The following ATXN7L1 variants were observed in gnomAD, a reference collection of about 807,000 sequenced individuals.
The protein encoded by ATXN7L1 is ataxin-7-like protein 1.
A neutral mutation model predicts 70.8 loss-of-function variants in ATXN7L1; 15 were observed. The ratio of observed to expected loss-of-function variants is 0.21; its 90% CI spans 0.14 to 0.33. The LOEUF (loss-of-function observed/expected upper bound fraction) is 0.33. Among genes scored for constraint, ATXN7L1 ranks in the 10% least tolerant of loss-of-function variants. The probability of loss-of-function intolerance (pLI) is 1.00; values close to 1 mark genes in which losing one functional copy is unlikely to be tolerated. For synonymous variants in ATXN7L1, 440 were observed against 445.1 expected (o/e 0.99, Z 0.14); for missense variants, 975 against 1,097.1 (o/e 0.89, Z 1.57).
intron 3 of ATXN7L1, among the ~76,000 whole-genome samples, chr7:105,692,435 T>TCCTTCCC (rs1791115491): frequency 8.2e-6 from 1 of 121,764 alleles, no homozygotes; most frequent in African/African-American, 3.1e-5. Context: ...CCTCCCTCCC[T>TCCTTCCC]CCCTCCCTCC....
intron 3 of ATXN7L1, among the ~76,000 whole-genome samples, chr7:105,685,933 T>C (rs567040902): frequency 1.3e-3 from 192 of 152,306 alleles, no homozygotes; most frequent in African/African-American, 4.5e-3. Context: ...AGGTCACCTG[T>C]TGGCCTTTAG....
At chr7:105,648,718 T>A (rs955271862) in intron 4 of ATXN7L1, among the ~76,000 whole-genome samples, 1 of 152,062 alleles carries the variant, frequency 6.6e-6, no homozygotes, top group Non-Finnish European at 1.5e-5. Flanking sequence ...CCCGTGTGCA[T>A]CCCCCTCACT....
At chr7:105,864,246 A>G (rs1585183533) in intron 2 of ATXN7L1, among the ~76,000 whole-genome samples, 1 of 152,028 alleles carries the variant, frequency 6.6e-6, no homozygotes, top group Non-Finnish European at 1.5e-5. Flanking sequence ...ACCTGGGCTC[A>G]GGAGTTTGAG....
chr7:105,777,505 T>C (rs1259840090), intron 3 of ATXN7L1, among the ~76,000 whole-genome samples: 1 of 152,236 alleles, frequency 6.6e-6, no homozygotes, highest in Non-Finnish European at 1.5e-5. Context: ...TCTCTGCTGC[T>C]TTTTCTGCCA....
chr7:105,729,051 C>T (rs1343935536), intron 3 of ATXN7L1, among the ~76,000 whole-genome samples: 1 of 152,052 alleles, frequency 6.6e-6, no homozygotes, highest in Admixed American at 6.6e-5. Flanking sequence ...ATTGCTTGAA[C>T]CCAGGAGTTT....
chr7:105,767,765 G>T lies in ATXN7L1; in HGVS notation c.355+20839C>A, dbSNP rs201070891. On this transcript the variant is annotated intron_variant, in intron 3 of 11. Transcript: ENST00000419735. The stretch of plus-strand genomic sequence containing the variant: ...CCAGATAGCTTGGCTCCAGGGTCTG[G>T]CTCTTTCAGAACCCCTCTGCTGCCT... Among the ~76,000 whole-genome samples the T allele has an allele frequency of 2.6e-5, 4 of 152,294 alleles. No homozygotes were observed. In the East Asian group the frequency reaches 7.7e-4, roughly 29 times the overall value.
intron 3 of ATXN7L1, among the ~76,000 whole-genome samples, chr7:105,693,134 G>A (rs1791231592): frequency 6.6e-6 from 1 of 152,138 alleles, no homozygotes; most frequent in Non-Finnish European, 1.5e-5. Flanking sequence ...AGTTACCTGA[G>A]GAGTTCAGAA....
intron 4 of ATXN7L1, among the ~76,000 whole-genome samples, chr7:105,646,121 G>A (rs1165048993): frequency 1.3e-5 from 2 of 151,088 alleles, no homozygotes; most frequent in South Asian, 2.1e-4. Context: ...AGACCAGCCC[G>A]GGCAACATAG....
chr7:105,661,122 G>A (rs376217755), intron 4 of ATXN7L1, among the ~76,000 whole-genome samples: 53 of 152,316 alleles, frequency 3.5e-4, no homozygotes, highest in African/African-American at 1.2e-3. Flanking sequence ...GTGGATGAAG[G>A]CCATTAGTCA....
intron 2 of ATXN7L1, among the ~76,000 whole-genome samples, chr7:105,818,725 T>G (rs1281845049): frequency 1.3e-5 from 2 of 152,192 alleles, no homozygotes; most frequent in Non-Finnish European, 2.9e-5. Context: ...GAAGCTGGCA[T>G]GTATTAGGAT....
At chr7:105,864,715 C>T (rs1436501176) in intron 2 of ATXN7L1, among the ~76,000 whole-genome samples, 1 of 151,670 alleles carries the variant, frequency 6.6e-6, no homozygotes, top group Non-Finnish European at 1.5e-5. Context: ...CTCACTGCAA[C>T]CTCCGCCTCC....
chr7:105,641,233 T>TTTTTTA (rs1798185308), intron 5 of ATXN7L1, among the ~76,000 whole-genome samples: 1 of 132,936 alleles, frequency 7.5e-6, no homozygotes, highest in African/African-American at 2.9e-5. Flanking sequence ...TTTTTTTTTT[T>TTTTTTA]TTTTTTTTTT....
intron 7 of ATXN7L1, among the ~76,000 whole-genome samples, chr7:105,625,190 T>A (rs1286780192): frequency 6.6e-6 from 1 of 152,260 alleles, no homozygotes; most frequent in Non-Finnish European, 1.5e-5. Context: ...TGCCTGTTAC[T>A]TAATATTAAG....
chr7:105,761,988 A>G (rs1265306402), intron 3 of ATXN7L1, among the ~76,000 whole-genome samples: 1 of 152,076 alleles, frequency 6.6e-6, no homozygotes, highest in African/African-American at 2.4e-5. Flanking sequence ...GTACAATATG[A>G]CCCCAAGGGC....
rs573865053 is a variant in ATXN7L1 at position 105,729,256 on chromosome 7, A to G, written c.355+59348T>C. 2.6e-5 allele frequency among the ~76,000 whole-genome samples: 4 copies of G among 151,420 alleles called. No homozygotes were observed. In the South Asian group the frequency reaches 8.4e-4, roughly 32 times the overall value. ...ACCACATTCCAGCCTGGGTGACACA[A>G]TGAGACTCTGTATCAATAATAAATG... On this transcript the variant is annotated intron_variant, in intron 3 of 11. Coordinates refer to ENST00000419735, the MANE Select transcript of ATXN7L1 (RefSeq NM_020725.2).
chr7:105,863,357 C>T (rs1816920455), intron 2 of ATXN7L1, among the ~76,000 whole-genome samples: 1 of 152,220 alleles, frequency 6.6e-6, no homozygotes, highest in Non-Finnish European at 1.5e-5. Context: ...ATCAGGAGGC[C>T]ACTGGCTTAC....
chr7:105,661,331 A>T (rs982359674), intron 4 of ATXN7L1, among the ~76,000 whole-genome samples: 5 of 152,066 alleles, frequency 3.3e-5, no homozygotes, highest in African/African-American at 7.2e-5. Flanking sequence ...GATGGGGGGA[A>T]ATCTGGCCTA....
intron 3 of ATXN7L1, chr7:105,677,812 G>A (rs1447385002): frequency 6.4e-6 from 3 of 468,542 alleles, no homozygotes; most frequent in African/African-American, 4.3e-5. Context: ...AGGCTGATAA[G>A]AGAGGCCACC....
intron 3 of ATXN7L1, among the ~76,000 whole-genome samples, chr7:105,694,377 G>T (rs922965377): frequency 7.2e-5 from 11 of 152,122 alleles, no homozygotes; most frequent in African/African-American, 2.7e-4. Flanking sequence ...CCCTGTCCTT[G>T]GGGTCAGCAA....
Sources: allele counts gnomAD v4.1 joint callset (sites outside exome capture counted in the v4.1 genomes callset), GRCh38; gene constraint gnomAD v4.1.1; transcripts MANE v1.5; gene names NCBI Gene and HGNC (gene_info 2026-07-23, HGNC 2026-07-21).